PLPP7: variants seen among roughly 807,000 people sequenced by gnomAD.
PLPP7 encodes the protein inactive phospholipid phosphatase 7.
PLPP7 carries 11 observed loss-of-function variants against 16.9 expected under a neutral mutation model. That is an observed-to-expected ratio of 0.65 (90% CI 0.41 to 1.08). The LOEUF (loss-of-function observed/expected upper bound fraction) is 1.08, where lower values mean the gene tolerates loss of function less well. Among genes scored for constraint, PLPP7 ranks in the 50% least tolerant of loss-of-function variants. The probability of loss-of-function intolerance (pLI) is 0.00; values close to 1 mark genes in which losing one functional copy is unlikely to be tolerated. For synonymous variants in PLPP7, 174 were observed against 175.1 expected (o/e 0.99, Z 0.05); for missense variants, 358 against 397.1 (o/e 0.90, Z 0.84).
intron 1 of PLPP7, among the ~76,000 whole-genome samples, chr9:131,307,703 G>C (rs1203267188): frequency 6.6e-6 from 1 of 152,134 alleles, no homozygotes; most frequent in African/African-American, 2.4e-5. Flanking sequence ...GTCAGGGAAG[G>C]CTTCTCCGCT....
In PLPP7 at chr9:131,308,069, G is replaced by T. The variant is rs201296777; in HGVS notation, c.598G>T (p.Val200Leu). The change falls in exon 2 of 2, where the codon GTG (valine) becomes TTG (leucine). Residue 200 changes from valine to leucine, a missense_variant. Physicochemically the swap from Val to Leu is conservative, Grantham distance 32. Coordinates refer to ENST00000372264, the MANE Select transcript of PLPP7 (RefSeq NM_032728.4). ...CGGGCACGCCAGCCGCGCCGCCATG[G>T]TGTCCAAGTTCTTCCTCAGCCACCT... Reference protein sequence around the residue: ...PAGHASRAAMVSKFFLSHLVL... With the variant: ...PAGHASRAAMLSKFFLSHLVL... 6.2e-7 allele frequency: 1 copy of T among 1,601,448 alleles called. No individual in the cohort carries two copies. The highest frequency in any genetic ancestry group is 8.5e-7 in the Non-Finnish European group (1 of 1,179,836).
Position 131,290,416 on chromosome 9 carries a change from C to A in PLPP7, c.419C>A (p.Ala140Asp), listed in dbSNP as rs2131210707. The A allele has an allele frequency of 6.4e-7, 1 of 1,560,216 alleles. No individual in the cohort carries two copies. Among genetic ancestry groups the A allele is most frequent in the Non-Finnish European group, 8.7e-7 (1 of 1,152,978 alleles). Residue 140 changes from alanine (A) to aspartate (D), a missense_variant, in exon 1 of 2, where the codon GCC becomes GAC. Transcript: ENST00000372264. This position sits in a 1 kb window ranked among gnomAD's most constrained non-coding sequence, Gnocchi z 4.2. Reference protein sequence around the residue: ...ILCLVKSSTLAGQEVLMNLLL... With the variant: ...ILCLVKSSTLDGQEVLMNLLL... Reference sequence around the variant, plus strand: ...TGCCTGGTGAAGAGCAGCACACTGGCCGGCCAGGAGGTGCTCATGAATCTG... The same window carrying A: ...TGCCTGGTGAAGAGCAGCACACTGGACGGCCAGGAGGTGCTCATGAATCTG...
At chr9:131,298,540 C>G (rs1415195978) in intron 1 of PLPP7, among the ~76,000 whole-genome samples, 1 of 152,194 alleles carries the variant, frequency 6.6e-6, no homozygotes, top group Non-Finnish European at 1.5e-5. Flanking sequence ...CTGCCCTGCT[C>G]TGAGCTGGTC....
chr9:131,290,725 G>A lies in PLPP7; in HGVS notation c.451+277G>A, dbSNP rs182789424. Among the ~76,000 whole-genome samples, 14 of 152,356 alleles carry A rather than the reference G, an allele frequency of 9.2e-5. No homozygotes were observed. The highest frequency in any genetic ancestry group is 7.8e-4 in the Admixed American group (12 of 15,314). ...GACCTGCTCAGCAAAAGGCACCGCT[G>A]CCCAGAGGCAGCTTGAAGGGAGGCT... On this transcript the variant is annotated intron_variant, in intron 1 of 1. Transcript: ENST00000372264. This position sits in a 1 kb window ranked among gnomAD's most constrained non-coding sequence, Gnocchi z 4.2.
intron 1 of PLPP7, among the ~76,000 whole-genome samples, chr9:131,306,349 C>T (rs1352469857): frequency 1.3e-5 from 2 of 151,922 alleles, no homozygotes; most frequent in East Asian, 3.9e-4. Flanking sequence ...TGAGACCAGC[C>T]TGGCCAACAT....
At chr9:131,296,733 C>T (rs1398192086) in intron 1 of PLPP7, among the ~76,000 whole-genome samples, 1 of 152,164 alleles carries the variant, frequency 6.6e-6, no homozygotes, top group African/African-American at 2.4e-5. Context: ...GTGTTTTGCC[C>T]GGTTTGGCCT....
chr9:131,306,513 G>A (rs1191904), intron 1 of PLPP7, among the ~76,000 whole-genome samples: 99,073 of 151,136 alleles, frequency 0.66, 33,766 homozygotes, highest in Middle Eastern at 0.78. Flanking sequence ...CTCCAGCCTG[G>A]GCAACAGAAC....
chr9:131,291,145 C>CCCATGTG, intron 1 of PLPP7: 1 of 1,366,526 alleles, frequency 7.3e-7, no homozygotes, highest in South Asian at 1.1e-5. Flanking sequence ...CCACGTGGGG[C>CCCATGTG]CCATGTGGAG....
rs1166693269 is a variant in PLPP7, at chr9:131,295,058, T to C, written c.451+4610T>C. ...TGAACCCGGGAGGCGGAGCTTGCAG[T>C]GAGCTGAGATCGCACCACTGCACTC... On this transcript the variant is annotated intron_variant, in intron 1 of 1. Transcript: ENST00000372264. The surrounding 1 kb of genome is among the most constrained non-coding windows in gnomAD (Gnocchi z 4.0). Among the ~76,000 whole-genome samples, 2 of 150,302 alleles carry C rather than the reference T, an allele frequency of 1.3e-5. No individual in the cohort carries two copies. Among genetic ancestry groups the C allele is most frequent in the Non-Finnish European group, 3.0e-5 (2 of 67,456 alleles).
At chr9:131,297,419 T>C (rs2131215955) in intron 1 of PLPP7, among the ~76,000 whole-genome samples, 1 of 148,606 alleles carries the variant, frequency 6.7e-6, no homozygotes, top group African/African-American at 2.5e-5. Context: ...AGAGTCTTGC[T>C]CTGTCACCCA....
chr9:131,301,839 C>T (rs1210038495), intron 1 of PLPP7, among the ~76,000 whole-genome samples: 7 of 131,194 alleles, frequency 5.3e-5, no homozygotes, highest in South Asian at 2.4e-4. Flanking sequence ...TTTTTTGAGA[C>T]GGAGTCTCGC....
intron 1 of PLPP7, among the ~76,000 whole-genome samples, chr9:131,300,689 GAAAAAA>G (rs1165239833): frequency 7.4e-5 from 3 of 40,358 alleles, no homozygotes; most frequent in Admixed American, 2.6e-4. Flanking sequence ...CTCAAAAGCA[GAAAAAA>G]AAAAAAAAAA....
At position 131,308,236 on chromosome 9, in the gene PLPP7, G is replaced by A; in HGVS notation, c.765G>A (p.Glu255=). The stretch of plus-strand genomic sequence containing the variant: ...GCTACCTCCAGTTCCGTCTGGTGGA[G>A]CTGGTCTGGATGCCCTCCAGCACCT... The part of the protein sequence containing the change: ...VIGYLQFRLV[E]LVWMPSSTCQ... The change falls in exon 2 of 2, where the codon GAG becomes GAA. Residue 255 remains glutamate, a synonymous_variant. Transcript: ENST00000372264. 6.3e-7 allele frequency: 1 copy of A among 1,599,312 alleles called. No individual in the cohort carries two copies.
At position 131,290,499 on chromosome 9, in the gene PLPP7, C is replaced by T; in HGVS notation, c.451+51C>T. ...CACTGTCAGGCCCCTCGGGAGGCAG[C>T]CTGGCCTGCCCAACCCCACCCTGGC... is the stretch of plus-strand genomic sequence containing the variant. On this transcript the variant is annotated intron_variant, in intron 1 of 1. Transcript: ENST00000372264. This position sits in a 1 kb window ranked among gnomAD's most constrained non-coding sequence, Gnocchi z 4.2. The T allele has an allele frequency of 6.8e-7, 1 of 1,462,574 alleles. No individual in the cohort carries two copies. Among genetic ancestry groups the T allele is most frequent in the Non-Finnish European group, 9.0e-7 (1 of 1,106,204 alleles). The allele number at this position is 1,462,574 out of a possible 1,614,324, so 90.6% of individuals were successfully genotyped here.
At chr9:131,291,503 G>T in intron 1 of PLPP7, 1 of 773,136 alleles carries the variant, frequency 1.3e-6, no homozygotes, top group Non-Finnish European at 1.6e-6. Flanking sequence ...AGAAACCATT[G>T]GATACTTCAT....
At chr9:131,307,895 C>T (rs1835870911) in intron 1 of PLPP7, 28 bp from the exon 2 acceptor site, 1 of 1,547,924 alleles carries the variant, frequency 6.5e-7, no homozygotes, top group Non-Finnish European at 8.7e-7. Flanking sequence ...GCCCTGATGG[C>T]CCAGGGGCCT....
chr9:131,305,677 T>C (rs1429198295), intron 1 of PLPP7, among the ~76,000 whole-genome samples: 1 of 152,136 alleles, frequency 6.6e-6, no homozygotes, highest in South Asian at 2.1e-4. Flanking sequence ...TATTTTTTTG[T>C]AGAGATGGGG....
rs999274152 is a variant in PLPP7 at position 131,290,685 on chromosome 9, C to T, written c.451+237C>T. Among the ~76,000 whole-genome samples, 3 of 152,224 alleles carry T rather than the reference C, an allele frequency of 2.0e-5. No homozygotes were observed. The highest frequency in any genetic ancestry group is 2.0e-4 in the Admixed American group (3 of 15,292). On this transcript the variant is annotated intron_variant, in intron 1 of 1. Transcript: ENST00000372264. The surrounding 1 kb of genome is among the most constrained non-coding windows in gnomAD (Gnocchi z 4.2). ...TGCCAAATGAAGACAGAGGCCATTG[C>T]GGCCCTGTGAGAAGGACCTGCTCAG...
At chr9:131,300,763 CA>C (rs964983230) in intron 1 of PLPP7, among the ~76,000 whole-genome samples, 1 of 151,342 alleles carries the variant, frequency 6.6e-6, no homozygotes, top group African/African-American at 2.4e-5. Flanking sequence ...CCTGACAGCC[CA>C]TGCAGAGAGC....
Sources: allele counts gnomAD v4.1 joint callset (sites outside exome capture counted in the v4.1 genomes callset), GRCh38; gene constraint gnomAD v4.1.1; non-coding constraint Gnocchi (gnomAD v3.1); transcripts MANE v1.5; gene names NCBI Gene and HGNC (gene_info 2026-07-23, HGNC 2026-07-21).